The following SPATA13 variants were observed in gnomAD, a reference collection of about 807,000 sequenced individuals.
SPATA13 encodes spermatogenesis-associated protein 13.
SPATA13 carries 50 observed loss-of-function variants against 104.0 expected under a neutral mutation model. The ratio of observed to expected loss-of-function variants is 0.48; its 90% CI spans 0.38 to 0.61. The LOEUF (loss-of-function observed/expected upper bound fraction) is 0.61, where lower values mean the gene tolerates loss of function less well. Ranked by LOEUF, SPATA13 falls within the 20% of genes least tolerant of loss-of-function variation. The probability of loss-of-function intolerance (pLI) is 0.00; values close to 1 mark genes in which losing one functional copy is unlikely to be tolerated. For missense variants in SPATA13, 1,524 were observed against 1,690.6 expected, an observed-to-expected ratio of 0.90 and a Z score of 1.73; for synonymous variants, 606 against 667.5, an observed-to-expected ratio of 0.91 and a Z score of 1.42.
At chr13:24,248,001 T>C (rs987442003) in intron 2 of SPATA13, among the ~76,000 whole-genome samples, 3 of 152,186 alleles carry the variant, frequency 2.0e-5, no homozygotes, top group Non-Finnish European at 2.9e-5. Flanking sequence ...CTGCCTTCTC[T>C]GGTGGTTCTG....
chr13:24,121,706 T>C (rs540663027), intron 3 of SPATA13, among the ~76,000 whole-genome samples: 1 of 152,344 alleles, frequency 6.6e-6, no homozygotes, highest in African/African-American at 2.4e-5. Context: ...TAAATAGTCC[T>C]GTAGCCCTTG....
chr13:24,111,420 A>G (rs879482948), intron 3 of SPATA13, among the ~76,000 whole-genome samples: 2 of 89,188 alleles, frequency 2.2e-5, no homozygotes, highest in African/African-American at 8.9e-5. Context: ...CGCCACCCCC[A>G]CCCCAGAAAC....
chr13:24,186,780 G>A (rs762475005), intron 1 of SPATA13, among the ~76,000 whole-genome samples: 4 of 152,086 alleles, frequency 2.6e-5, no homozygotes, highest in Admixed American at 1.3e-4. Context: ...CTATTGAGGC[G>A]GTTGATCAAG....
At chr13:24,225,450 G>T (rs567194175) in intron 2 of SPATA13, among the ~76,000 whole-genome samples, 2 of 152,372 alleles carry the variant, frequency 1.3e-5, no homozygotes, top group Admixed American at 6.5e-5. Context: ...CCCAAAGAGG[G>T]TGTTACGGCC....
chr13:24,196,403 A>C lies in SPATA13; in HGVS notation c.-111-26416A>C, dbSNP rs183130779. ...ATTTTTAGTATGTAATAAAGCCTTA[A>C]ATTATATAACATTCAATAAAAATAC... On this transcript the variant is annotated intron_variant, in intron 1 of 12. Coordinates refer to ENST00000382108, the MANE Select transcript of SPATA13 (RefSeq NM_001166271.3). Among the ~76,000 whole-genome samples the C allele has an allele frequency of 2.2e-3, 332 of 152,316 alleles. 1 individual carries two copies. Among genetic ancestry groups the C allele is most frequent in the Non-Finnish European group, 2.9e-3 (200 of 68,022 alleles).
At chr13:24,139,594 G>C (rs1881684911) in intron 3 of SPATA13, among the ~76,000 whole-genome samples, 1 of 152,168 alleles carries the variant, frequency 6.6e-6, no homozygotes, top group Admixed American at 6.5e-5. Flanking sequence ...TTAAAAACAT[G>C]TACATTGGTT....
chr13:24,218,417 T>C (rs543036373), intron 1 of SPATA13, among the ~76,000 whole-genome samples: 9 of 152,290 alleles, frequency 5.9e-5, no homozygotes, highest in African/African-American at 2.2e-4. Flanking sequence ...CCTGCTGGGC[T>C]GTCACTACAG....
chr13:24,028,067 A>T (rs1319195014), intron 3 of SPATA13, among the ~76,000 whole-genome samples: 3 of 152,266 alleles, frequency 2.0e-5, no homozygotes, highest in Non-Finnish European at 4.4e-5. Context: ...ATTTCCAAAC[A>T]TATAGCCATA....
chr13:24,223,873 A>G lies in SPATA13; in HGVS notation c.944A>G (p.Lys315Arg). ...TKRWRSPIRA[K>R]DFDRVFKLVS... is the part of the protein sequence containing the mutation. ...CGCTGGAGGAGCCCGATAAGGGCCA[A>G]GGACTTTGACAGAGTCTTCAAACTT... Residue 315 changes from lysine (K) to arginine (R), a missense_variant, in exon 2 of 13, where the codon AAG becomes AGG. Coordinates refer to ENST00000382108, the MANE Select transcript of SPATA13 (RefSeq NM_001166271.3). 6.4e-7 allele frequency: 1 copy of G among 1,551,718 alleles called. No individual in the cohort carries two copies. Among genetic ancestry groups the G allele is most frequent in the Non-Finnish European group, 8.7e-7 (1 of 1,147,002 alleles).
rs147898070 is a variant in SPATA13, at chr13:24,079,546, G to A, written c.-112+61845G>A. ...GTCTTGTCTAGAAGTTTCAGCTGAT[G>A]ATCCCGACCTGAGACTAGGCAGGAT... is the stretch of plus-strand genomic sequence containing the variant. On this transcript the variant is annotated intron_variant, in intron 3 of 14. Transcript: ENST00000424834. Among the ~76,000 whole-genome samples the A allele has an allele frequency of 2.6e-5, 4 of 152,292 alleles. No homozygotes were observed. The East Asian group carries it at 7.7e-4, about 29-fold the overall frequency.
Position 24,223,705 on chromosome 13 carries a change from C to T in SPATA13, c.776C>T (p.Ala259Val). 1 of 1,552,206 alleles carries T rather than the reference C, an allele frequency of 6.4e-7. No individual in the cohort carries two copies. Among genetic ancestry groups the T allele is most frequent in the South Asian group, 1.2e-5 (1 of 84,070 alleles). Reference sequence around the variant, plus strand: ...AGGAGCAAGAGCACGGACAATCTTGCCTTTCTGAAGAAGAGCTCCTTTAAG... The same window carrying T: ...AGGAGCAAGAGCACGGACAATCTTGTCTTTCTGAAGAAGAGCTCCTTTAAG... ...YRRSKSTDNL[A>V]FLKKSSFKRK... Residue 259 changes from alanine (A) to valine (V), a missense_variant, in exon 2 of 13, where the codon GCC (alanine) becomes GTC (valine). By Grantham distance (64) the Ala-to-Val change is moderately conservative (BLOSUM62 0). Around this residue, in one of 2 missense-constraint regions of SPATA13, gnomAD observed 1,089 missense variants for 1,135.9 expected, o/e 0.96. Transcript: ENST00000382108.
intron 3 of SPATA13, among the ~76,000 whole-genome samples, chr13:24,032,029 T>C (rs1877500602): frequency 6.6e-6 from 1 of 152,214 alleles, no homozygotes; most frequent in African/African-American, 2.4e-5. Context: ...TATGCCCATC[T>C]TGCAAAAATT....
At chr13:24,229,295 C>T (rs1201457366) in intron 2 of SPATA13, among the ~76,000 whole-genome samples, 2 of 152,120 alleles carry the variant, frequency 1.3e-5, no homozygotes, top group Non-Finnish European at 2.9e-5. Context: ...CCAATTGGAC[C>T]CCTCTCCAGG....
intron 3 of SPATA13, among the ~76,000 whole-genome samples, chr13:24,075,476 A>G (rs1879294572): frequency 6.6e-6 from 1 of 152,226 alleles, no homozygotes; most frequent in African/African-American, 2.4e-5. Flanking sequence ...CCAAGGGTTT[A>G]AATAAACTCA....
intron 5 of SPATA13, among the ~76,000 whole-genome samples, chr13:24,284,650 C>T (rs567725312): frequency 2.6e-5 from 4 of 151,984 alleles, no homozygotes; most frequent in African/African-American, 9.7e-5. Context: ...GGCGACAGAG[C>T]GAGACTCCAT....
At chr13:24,118,911 CTTT>C (rs67348620) in intron 3 of SPATA13, among the ~76,000 whole-genome samples, 1 of 146,402 alleles carries the variant, frequency 6.8e-6, no homozygotes. Context: ...CTTTTCTTTT[CTTT>C]TTTTTTTTTG....
chr13:23,981,606 A>G (rs1173564812), intron 1 of SPATA13, among the ~76,000 whole-genome samples: 1 of 152,234 alleles, frequency 6.6e-6, no homozygotes, highest in African/African-American at 2.4e-5. Flanking sequence ...TACACAGACC[A>G]CAGCTGAGCT....
chr13:24,119,339 G>A (rs1205848245), intron 3 of SPATA13, among the ~76,000 whole-genome samples: 1 of 152,036 alleles, frequency 6.6e-6, no homozygotes, highest in African/African-American at 2.4e-5. Flanking sequence ...ATGTTCCCAG[G>A]AATATTTTAA....
At chr13:24,278,559 T>G in intron 4 of SPATA13, 181 of 1,252,786 alleles carry the variant, frequency 1.4e-4, no homozygotes, top group Non-Finnish European at 1.7e-4. Context: ...ATTACAAGCA[T>G]GAGCTACCAC....
Sources: allele counts gnomAD v4.1 joint callset (sites outside exome capture counted in the v4.1 genomes callset), GRCh38; gene constraint gnomAD v4.1.1; regional missense constraint gnomAD v4.1.1; transcripts MANE v1.5; gene names NCBI Gene and HGNC (gene_info 2026-07-23, HGNC 2026-07-21).